Variants in ABCA1 observed in about 807,000 individuals in gnomAD.
ABCA1 encodes the protein phospholipid-transporting ATPase ABCA1.
Under a neutral mutation model 262.5 loss-of-function variants are expected in ABCA1, and 133 were observed. The ratio of observed to expected loss-of-function variants is 0.51; its 90% CI spans 0.44 to 0.59. The LOEUF (loss-of-function observed/expected upper bound fraction) is 0.59, where lower values mean the gene tolerates loss of function less well. Among genes scored for constraint, ABCA1 ranks in the 20% least tolerant of loss-of-function variants. The pLI is 0.00. For missense variants in ABCA1, 2,452 were observed against 2,777.5 expected (o/e 0.88, Z 2.63); for synonymous variants, 1,022 against 1,043.5 (o/e 0.98, Z 0.40).
At position 104,781,670 on chromosome 9, in the gene ABCA1, C is replaced by T. The variant is rs1402427677; in HGVS notation, c.*2645G>A. 2.6e-5 allele frequency: 4 copies of T among 152,552 alleles called. No homozygotes were observed. The highest frequency in any genetic ancestry group is 2.9e-5 in the Non-Finnish European group (2 of 67,978). The allele number at this position is 152,552 out of a possible 1,614,324, so 9.4% of individuals were successfully genotyped here. A position where few individuals can be genotyped will look rare whatever the true frequency, so the allele number is the denominator to read the frequency against. ...TTTTTTAACAATGAATTGTGCTGGG[C>T]ATTTATGTATAGAGGGCTTATTATT... is the stretch of plus-strand genomic sequence containing the variant. On this transcript the variant is annotated 3_prime_UTR_variant, in exon 50 of 50. Coordinates refer to ENST00000374736, the MANE Select transcript of ABCA1 (RefSeq NM_005502.4).
intron 37 of ABCA1, 73 bp downstream of exon 37, chr9:104,798,347 CT>C: frequency 6.5e-7 from 1 of 1,527,152 alleles, no homozygotes; most frequent in Non-Finnish European, 9.1e-7. Flanking sequence ...ATAGCCAGAG[CT>C]CTTTCTTTCT....
chr9:104,826,768 A>C (rs1045361138), intron 16 of ABCA1, among the ~76,000 whole-genome samples, 180 bp downstream of exon 16: 3 of 152,246 alleles, frequency 2.0e-5, no homozygotes, highest in Non-Finnish European at 4.4e-5. Flanking sequence ...ACTAAAGGTA[A>C]ACAATTTAAT....
chr9:104,820,001 G>A lies in ABCA1; in HGVS notation c.3029C>T (p.Ala1010Val), dbSNP rs775863046. Residue 1010 changes from alanine (A) to valine (V), a missense_variant, in exon 21 of 50, where the codon GCG becomes GTG. Ala to Val is a moderately conservative substitution (Grantham distance 64). Around this residue, in one of 4 missense-constraint regions of ABCA1, gnomAD observed 665 missense variants for 727.3 expected, o/e 0.91. Coordinates refer to ENST00000374736, the MANE Select transcript of ABCA1 (RefSeq NM_005502.4). ...ATCCAGGGCCATCTGCTCCATCTCC[G>A]CCTTCACGTGCTTCTCAGAGAGCCC... ...LKGLSEKHVK[A>V]EMEQMALDVG... The A allele has an allele frequency of 5.1e-5, 82 of 1,613,884 alleles. No homozygotes were observed. Among genetic ancestry groups the A allele is most frequent in the Middle Eastern group, 1.6e-4 (1 of 6,084 alleles).
At chr9:104,917,290 G>C (rs1841902338) in intron 1 of ABCA1, among the ~76,000 whole-genome samples, 1 of 152,116 alleles carries the variant, frequency 6.6e-6, no homozygotes, top group Non-Finnish European at 1.5e-5. Context: ...TATAATAATA[G>C]GCAAGCTCAG....
At position 104,810,896 on chromosome 9, in the gene ABCA1, A is replaced by G. The variant is rs998001240; in HGVS notation, c.4079T>C (p.Ile1360Thr). 3 of 1,614,234 alleles carry G rather than the reference A, an allele frequency of 1.9e-6. No individual in the cohort carries two copies. The highest frequency in any genetic ancestry group is 3.3e-5 in the Admixed American group (2 of 60,030). The change falls in exon 29 of 50, where the codon ATT becomes ACT. Residue 1360 changes from isoleucine to threonine, a missense_variant. Ile to Thr is a moderately conservative substitution (Grantham distance 89, BLOSUM62 -1). Coordinates refer to ENST00000374736, the MANE Select transcript of ABCA1 (RefSeq NM_005502.4). ...CACGATCAGGCTGAACACAAGGGCA[A>G]TGCAGACAAACACAGCTGGCAAGAC... ...QIVLPAVFVCIALVFSLIVPP... is the reference protein window; with the variant it reads ...QIVLPAVFVCTALVFSLIVPP...
intron 44 of ABCA1, among the ~76,000 whole-genome samples, chr9:104,789,796 A>G (rs912376661): frequency 7.2e-5 from 11 of 152,116 alleles, no homozygotes; most frequent in African/African-American, 2.7e-4. Flanking sequence ...ATCTCTCCAC[A>G]TAATAAGTCC....
intron 1 of ABCA1, among the ~76,000 whole-genome samples, chr9:104,906,750 CAAAAAAA>C (rs35167860): frequency 2.4e-5 from 2 of 83,008 alleles, no homozygotes; most frequent in Non-Finnish European, 5.1e-5. Context: ...AAACCAAAAT[CAAAAAAA>C]AAAAAAAAAA....
In ABCA1 at chr9:104,903,914, T is replaced by C. The variant is rs1230172115; in HGVS notation, c.-92-143A>G. The C allele has an allele frequency of 4.7e-5, 28 of 597,134 alleles. No individual in the cohort carries two copies. The East Asian group carries it at 7.8e-4, about 17-fold the overall frequency. The allele number at this position is 597,134 out of a possible 1,614,324, so 37.0% of individuals were successfully genotyped here. A position where few individuals can be genotyped will look rare whatever the true frequency, so the allele number is the denominator to read the frequency against. Reference sequence around the variant, plus strand: ...TGACTGCTTCTCAATGGATCATGAGTCACCAGCTCCCAGCCTCTGGGTTCA... The same window carrying C: ...TGACTGCTTCTCAATGGATCATGAGCCACCAGCTCCCAGCCTCTGGGTTCA... On this transcript the variant is annotated intron_variant, in intron 1 of 49. Transcript: ENST00000374736.
intron 18 of ABCA1, among the ~76,000 whole-genome samples, chr9:104,823,859 G>C (rs2118981286): frequency 6.6e-6 from 1 of 152,254 alleles, no homozygotes; most frequent in East Asian, 1.9e-4. Flanking sequence ...CTTTTACCAA[G>C]GGCAATCAGG....
rs557626075 is a variant in ABCA1, at chr9:104,882,028, T to TAAAAAAAAAAAAAAAAAAAAAAAA, written c.421+987_421+1010dup. On this transcript the variant is annotated intron_variant, in intron 5 of 49. Transcript: ENST00000374736. ...CAAGGAAAGCACAGTTCTGTAGCCT[T>TAAAAAAAAAAAAAAAAAAAAAAAA]AAAAAAAAAAAAAAAAAAAAAAAAA... 8.1e-4 allele frequency among the ~76,000 whole-genome samples: 60 copies of TAAAAAAAAAAAAAAAAAAAAAAAA among 73,752 alleles called. 4 individuals are homozygous for TAAAAAAAAAAAAAAAAAAAAAAAA. Among genetic ancestry groups the TAAAAAAAAAAAAAAAAAAAAAAAA allele is most frequent in the Middle Eastern group, 8.8e-3 (1 of 114 alleles). 48.4% of individuals were successfully genotyped at this position (73,752 alleles called of 152,430 possible). A position where few individuals can be genotyped will look rare whatever the true frequency, so the allele number is the denominator to read the frequency against.
chr9:104,808,521 G>T (rs1487347873), intron 30 of ABCA1, among the ~76,000 whole-genome samples: 1 of 152,160 alleles, frequency 6.6e-6, no homozygotes, highest in Non-Finnish European at 1.5e-5. Context: ...TTAGCTGCTA[G>T]GATTTACCAC....
At position 104,893,421 on chromosome 9, in the gene ABCA1, C is replaced by CAA. The variant is rs34544647; in HGVS notation, c.67-4228_67-4227dup. Among the ~76,000 whole-genome samples the CAA allele has an allele frequency of 8.0e-3, 282 of 35,152 alleles. 54 individuals carry two copies. Among genetic ancestry groups the CAA allele is most frequent in the Middle Eastern group, 0.026 (2 of 78 alleles). 23.1% of individuals were successfully genotyped at this position (35,152 alleles called of 152,430 possible). A position where few individuals can be genotyped will look rare whatever the true frequency, so the allele number is the denominator to read the frequency against. On this transcript the variant is annotated intron_variant, in intron 2 of 49. Transcript: ENST00000374736. ...TGGGCAACAGAGTGAGACTTCACCT[C>CAA]AAAAAAAAAAAAAAAAAAAAAAAAA... is the stretch of plus-strand genomic sequence containing the variant.
chr9:104,804,307 A>G (rs1020352589), intron 32 of ABCA1, among the ~76,000 whole-genome samples: 2 of 152,230 alleles, frequency 1.3e-5, no homozygotes, highest in African/African-American at 2.4e-5. Flanking sequence ...AGCAACATTA[A>G]TATCACAATT....
intron 3 of ABCA1, among the ~76,000 whole-genome samples, chr9:104,888,403 G>A (rs1407297480): frequency 2.0e-5 from 3 of 152,182 alleles, no homozygotes; most frequent in Non-Finnish European, 4.4e-5. Flanking sequence ...CCAGCCCTAA[G>A]AGAAAGACTG....
intron 8 of ABCA1, among the ~76,000 whole-genome samples, chr9:104,843,198 GTC>G (rs1834541594): frequency 6.6e-6 from 1 of 152,116 alleles, no homozygotes; most frequent in Non-Finnish European, 1.5e-5. Flanking sequence ...GTTTGTTTCT[GTC>G]TCTCACCCTA....
intron 42 of ABCA1, 65 bp from the exon 43 acceptor site, chr9:104,792,063 G>A: frequency 6.8e-7 from 1 of 1,465,576 alleles, no homozygotes; most frequent in Non-Finnish European, 9.4e-7. Flanking sequence ...AAGCAACTGT[G>A]GAAGGCAGGA....
intron 1 of ABCA1, among the ~76,000 whole-genome samples, chr9:104,924,309 C>CT (rs1227043158): frequency 7.2e-6 from 1 of 138,352 alleles, no homozygotes; most frequent in East Asian, 2.3e-4. Flanking sequence ...TATCTGGATA[C>CT]TTAAAAAAAT....
chr9:104,810,731 T>C, intron 29 of ABCA1, 69 bp downstream of exon 29: 8 of 1,611,690 alleles, frequency 5.0e-6, no homozygotes, highest in Non-Finnish European at 5.9e-6. Flanking sequence ...GTCCATTCCC[T>C]TGGCCCTCGT....
At chr9:104,897,029 T>A (rs1840291216) in intron 2 of ABCA1, among the ~76,000 whole-genome samples, 1 of 151,852 alleles carries the variant, frequency 6.6e-6, no homozygotes, top group South Asian at 2.1e-4. Context: ...CATATCCAGG[T>A]TTTAATAAAT....
Sources: allele counts gnomAD v4.1 joint callset (sites outside exome capture counted in the v4.1 genomes callset), GRCh38; gene constraint gnomAD v4.1.1; regional missense constraint gnomAD v4.1.1; transcripts MANE v1.5; gene names NCBI Gene and HGNC (gene_info 2026-07-23, HGNC 2026-07-21).